The following NAALADL2 variants were observed in gnomAD, a reference collection of about 807,000 sequenced individuals.
NAALADL2 encodes N-acetylated alpha-linked acidic dipeptidase like 2, also known as inactive N-acetylated-alpha-linked acidic dipeptidase-like protein 2.
NAALADL2 carries 76 observed loss-of-function variants against 87.2 expected under a neutral mutation model. The ratio of observed to expected loss-of-function variants is 0.87; its 90% CI spans 0.72 to 1.05. The LOEUF is 1.05. Among genes scored for constraint, NAALADL2 ranks in the 50% least tolerant of loss-of-function variants. The probability of loss-of-function intolerance (pLI) is 0.00; values close to 1 mark genes in which losing one functional copy is unlikely to be tolerated. For missense variants in NAALADL2, 1,089 were observed against 945.8 expected (o/e 1.15, Z -1.99); for synonymous variants, 354 against 331.0 (o/e 1.07, Z -0.75).
intron 3 of NAALADL2, among the ~76,000 whole-genome samples, chr3:174,808,917 T>A (rs16864747): frequency 0.27 from 40,597 of 151,910 alleles, 5,713 homozygotes; most frequent in East Asian, 0.43. Flanking sequence ...ATCCAGACTT[T>A]GAAATCTTCA....
chr3:174,642,666 C>T (rs553918356), intron 2 of NAALADL2, among the ~76,000 whole-genome samples: 1 of 148,918 alleles, frequency 6.7e-6, no homozygotes, highest in East Asian at 2.0e-4. Flanking sequence ...AGACCTCTTG[C>T]AGTCTTGGTT....
At chr3:175,133,969 A>G (rs745342647) in intron 2 of NAALADL2, among the ~76,000 whole-genome samples, 4 of 152,212 alleles carry the variant, frequency 2.6e-5, no homozygotes, top group Non-Finnish European at 5.9e-5. Context: ...CTTTAAGCAC[A>G]TAATGAAAAT....
chr3:175,447,490 G>T (rs1244493177), intron 6 of NAALADL2, 118 bp downstream of exon 6: 2 of 636,956 alleles, frequency 3.1e-6, no homozygotes. Flanking sequence ...GACTTTTGAT[G>T]AAGTGAGCAT....
chr3:174,739,316 TC>T (rs1340872544), intron 3 of NAALADL2, among the ~76,000 whole-genome samples: 2 of 152,118 alleles, frequency 1.3e-5, no homozygotes, highest in Non-Finnish European at 2.9e-5. Context: ...GACAGTATAC[TC>T]TTAGAATCTT....
intron 1 of NAALADL2, among the ~76,000 whole-genome samples, chr3:175,029,696 A>G (rs940031386): frequency 6.6e-6 from 1 of 152,082 alleles, no homozygotes; most frequent in Non-Finnish European, 1.5e-5. Flanking sequence ...ATCTTGTAGT[A>G]TAATGTCACT....
At chr3:174,521,635 T>C (rs1455066917) in intron 1 of NAALADL2, among the ~76,000 whole-genome samples, 1 of 135,694 alleles carries the variant, frequency 7.4e-6, no homozygotes, top group African/African-American at 2.8e-5. Context: ...GAAACACATA[T>C]AGAACTGGAG....
intron 1 of NAALADL2, among the ~76,000 whole-genome samples, chr3:174,973,754 A>C (rs1744008265): frequency 6.6e-6 from 1 of 152,190 alleles, no homozygotes; most frequent in Non-Finnish European, 1.5e-5. Flanking sequence ...TATGGCACTG[A>C]ATACTGTAGA....
chr3:175,459,895 G>T, intron 6 of NAALADL2: 2 of 276,128 alleles, frequency 7.2e-6, no homozygotes, highest in Non-Finnish European at 1.4e-5. Flanking sequence ...TAATCATTAC[G>T]TATATCTCTC....
chr3:175,382,242 G>C (rs1767871969), intron 5 of NAALADL2, among the ~76,000 whole-genome samples: 1 of 152,004 alleles, frequency 6.6e-6, no homozygotes. Flanking sequence ...TTTTTCAAAT[G>C]GTTCATGAAA....
intron 8 of NAALADL2, among the ~76,000 whole-genome samples, chr3:175,470,519 G>A (rs1027995535): frequency 6.6e-6 from 1 of 151,932 alleles, no homozygotes; most frequent in Non-Finnish European, 1.5e-5. Flanking sequence ...AAATAAAATA[G>A]GATGACATTA....
rs71312314 is a variant in NAALADL2 at position 175,166,420 on chromosome 3, A to G, written c.546-67511A>G. 5.0e-3 allele frequency among the ~76,000 whole-genome samples: 754 copies of G among 152,132 alleles called. 2 individuals are homozygous for G. Among genetic ancestry groups the G allele is most frequent in the South Asian group, 0.023 (113 of 4,828 alleles). On this transcript the variant is annotated intron_variant, in intron 2 of 13. Transcript: ENST00000454872. ...TTCTAGCTTTATTCCAGAGATAATC[A>G]CAAATACCGCTAGCTGCCTTTCTAT...
chr3:175,809,395 G>T lies in NAALADL2; in HGVS notation c.*6192G>T, dbSNP rs1481341863. On this transcript the variant is annotated 3_prime_UTR_variant, in exon 14 of 14. Coordinates refer to ENST00000454872, the MANE Select transcript of NAALADL2 (RefSeq NM_207015.3). ...TCCTTATATTCTAACTTGCTACTTG[G>T]AGAATATGGATATTCTGAAAAGAAA... 6.6e-6 allele frequency: 1 copy of T among 150,784 alleles called. No individual in the cohort carries two copies. Among genetic ancestry groups the T allele is most frequent in the Admixed American group, 6.7e-5 (1 of 14,996 alleles). The allele number at this position is 150,784 out of a possible 1,614,324, so 9.3% of individuals were successfully genotyped here. A position where few individuals can be genotyped will look rare whatever the true frequency, so the allele number is the denominator to read the frequency against.
intron 1 of NAALADL2, among the ~76,000 whole-genome samples, chr3:174,892,245 C>G (rs528762076): frequency 6.6e-6 from 1 of 152,060 alleles, no homozygotes. Context: ...AAGGACCAAT[C>G]CTGGAGAAAC....
chr3:175,785,069 T>G (rs1194969262), intron 13 of NAALADL2, among the ~76,000 whole-genome samples: 1 of 151,004 alleles, frequency 6.6e-6, no homozygotes, highest in East Asian at 1.9e-4. Flanking sequence ...GTCTGAGAGA[T>G]AGTTTGTTAT....
intron 10 of NAALADL2, among the ~76,000 whole-genome samples, chr3:175,596,202 A>G (rs1722223838): frequency 6.6e-6 from 1 of 151,920 alleles, no homozygotes; most frequent in African/African-American, 2.4e-5. Context: ...GGTCTGCATG[A>G]TTATCTAATC....
chr3:175,115,373 A>G (rs1284535001), intron 2 of NAALADL2: 1 of 151,546 alleles, frequency 6.6e-6, no homozygotes, highest in Non-Finnish European at 1.5e-5. Context: ...ACATGTTGCC[A>G]TCAAAATCTC....
intron 1 of NAALADL2, among the ~76,000 whole-genome samples, chr3:174,867,191 C>A (rs552191214): frequency 6.6e-6 from 1 of 151,948 alleles, no homozygotes; most frequent in East Asian, 1.9e-4. Context: ...AAATTGGGTA[C>A]TAATTTAAGG....
chr3:174,718,132 C>T (rs939197409), intron 2 of NAALADL2, among the ~76,000 whole-genome samples: 5 of 151,900 alleles, frequency 3.3e-5, no homozygotes, highest in South Asian at 2.1e-4. Context: ...AACAAACAAA[C>T]AAAAAATGAA....
At chr3:175,168,170 A>T (rs1174023669) in intron 2 of NAALADL2, among the ~76,000 whole-genome samples, 1 of 151,176 alleles carries the variant, frequency 6.6e-6, no homozygotes, top group South Asian at 2.1e-4. Flanking sequence ...ATTAAAAAAT[A>T]TTTTTATGTT....
Sources: allele counts gnomAD v4.1 joint callset (sites outside exome capture counted in the v4.1 genomes callset), GRCh38; gene constraint gnomAD v4.1.1; transcripts MANE v1.5; gene names NCBI Gene and HGNC (gene_info 2026-07-23, HGNC 2026-07-21).